Variants in POU2F1 observed in about 807,000 individuals in gnomAD.
POU2F1 encodes the protein POU domain, class 2, transcription factor 1.
POU2F1 carries 16 observed loss-of-function variants against 84.9 expected under a neutral mutation model. That is an observed-to-expected ratio of 0.19 (90% confidence interval 0.13 to 0.29). The LOEUF (loss-of-function observed/expected upper bound fraction) is 0.29. Among genes scored for constraint, POU2F1 ranks in the 10% least tolerant of loss-of-function variants. The pLI, the probability that POU2F1 is intolerant of heterozygous loss-of-function variation, is 1.00. For missense variants in POU2F1, 738 were observed against 942.6 expected (o/e 0.78, Z 2.84); for synonymous variants, 368 against 368.3 (o/e 1.00, Z 0.01).
intron 8 of POU2F1, among the ~76,000 whole-genome samples, chr1:167,389,182 T>C (rs1040323431): frequency 1.3e-5 from 2 of 152,198 alleles, no homozygotes; most frequent in Non-Finnish European, 2.9e-5. Flanking sequence ...AGGTTGGAGA[T>C]GTAATAGTGG....
intron 1 of POU2F1, among the ~76,000 whole-genome samples, chr1:167,262,287 CT>C (rs1459961707): frequency 1.3e-5 from 2 of 152,190 alleles, no homozygotes; most frequent in Non-Finnish European, 1.5e-5. Flanking sequence ...CCACCTCAGC[CT>C]CCCAAGTAGC....
chr1:167,266,333 T>C (rs1651949868), intron 1 of POU2F1, among the ~76,000 whole-genome samples: 1 of 152,188 alleles, frequency 6.6e-6, no homozygotes, highest in Non-Finnish European at 1.5e-5. Flanking sequence ...TGCATTGTGA[T>C]GGGTGTAATC....
chr1:167,254,970 G>A (rs1276084527), intron 1 of POU2F1, among the ~76,000 whole-genome samples: 1 of 152,158 alleles, frequency 6.6e-6, no homozygotes, highest in Non-Finnish European at 1.5e-5. Flanking sequence ...GTGGGAATTG[G>A]TTTTCTTAGG....
chr1:167,390,660 G>A (rs745437868), intron 9 of POU2F1, among the ~76,000 whole-genome samples: 5 of 151,656 alleles, frequency 3.3e-5, no homozygotes, highest in South Asian at 2.1e-4. Context: ...GTGTGGTGAC[G>A]CATGCCTGTA....
intron 1 of POU2F1, among the ~76,000 whole-genome samples, chr1:167,257,395 G>A (rs1651220042): frequency 6.6e-6 from 1 of 152,134 alleles, no homozygotes; most frequent in Admixed American, 6.5e-5. Context: ...ATGATGAGAG[G>A]TGGATGGCAT....
chr1:167,240,686 A>C (rs772804073), intron 1 of POU2F1, among the ~76,000 whole-genome samples: 1 of 152,190 alleles, frequency 6.6e-6, no homozygotes, highest in Non-Finnish European at 1.5e-5. Context: ...GCTTCTGCAT[A>C]AACATATTTA....
chr1:167,240,747 A>AGCCCTTCCCTAGAGGTTTGCC (rs1649838010), intron 1 of POU2F1, among the ~76,000 whole-genome samples: 1 of 152,186 alleles, frequency 6.6e-6, no homozygotes, highest in Non-Finnish European at 1.5e-5. Context: ...GTTGGTTTGA[A>AGCCCTTCCCTAGAGGTTTGCC]GCCCTTCCCT....
At chr1:167,321,455 C>T (rs1656303968) in intron 1 of POU2F1, among the ~76,000 whole-genome samples, 1 of 152,130 alleles carries the variant, frequency 6.6e-6, no homozygotes, top group East Asian at 1.9e-4. Context: ...GGCTGTAATG[C>T]CCCCATAGGT....
At chr1:167,357,000 C>G (rs1030410945) in intron 2 of POU2F1, among the ~76,000 whole-genome samples, 1 of 152,140 alleles carries the variant, frequency 6.6e-6, no homozygotes, top group African/African-American at 2.4e-5. Context: ...AATGCACATG[C>G]TCAAGAAATT....
At chr1:167,304,044 G>A (rs947680037) in intron 1 of POU2F1, among the ~76,000 whole-genome samples, 2 of 152,102 alleles carry the variant, frequency 1.3e-5, no homozygotes, top group Non-Finnish European at 2.9e-5. Flanking sequence ...AGTAACTTGC[G>A]AAAGAAATTC....
In POU2F1 at chr1:167,424,864, T is replaced by C. The variant is rs1447452765; in HGVS notation, c.*9054T>C. The C allele has an allele frequency of 6.6e-6, 1 of 152,124 alleles. No individual in the cohort carries two copies. Among genetic ancestry groups the C allele is most frequent in the East Asian group, 1.9e-4 (1 of 5,196 alleles). 9.4% of individuals were successfully genotyped at this position (152,124 alleles called of 1,614,324 possible). On this transcript the variant is annotated 3_prime_UTR_variant, in exon 16 of 16. Coordinates refer to ENST00000367866, the MANE Select transcript of POU2F1 (RefSeq NM_002697.4). ...GCTGGCCACACGTCAACTTCTGTACTTGCCTTTTCCTTGGTGGGGTAGAGG... is the reference window on the plus strand; with the variant it reads ...GCTGGCCACACGTCAACTTCTGTACCTGCCTTTTCCTTGGTGGGGTAGAGG...
At chr1:167,267,821 T>TTAG (rs1477664897) in intron 1 of POU2F1, among the ~76,000 whole-genome samples, 1 of 151,938 alleles carries the variant, frequency 6.6e-6, no homozygotes, top group African/African-American at 2.4e-5. Flanking sequence ...TTTGGTATTT[T>TTAG]TAGTAGAGAT....
At chr1:167,406,436 C>T (rs1205412968) in intron 13 of POU2F1, among the ~76,000 whole-genome samples, 1 of 152,136 alleles carries the variant, frequency 6.6e-6, no homozygotes, top group Non-Finnish European at 1.5e-5. Context: ...AGACTGAATA[C>T]TTTCCCCACT....
At chr1:167,244,155 G>A (rs145481420) in intron 1 of POU2F1, among the ~76,000 whole-genome samples, 4 of 152,304 alleles carry the variant, frequency 2.6e-5, no homozygotes, top group Admixed American at 1.3e-4. Context: ...AGGAACTTTG[G>A]AATTGGGAGT....
chr1:167,221,873 G>C (rs1648228033), intron 1 of POU2F1, among the ~76,000 whole-genome samples: 1 of 151,908 alleles, frequency 6.6e-6, no homozygotes, highest in Non-Finnish European at 1.5e-5. Flanking sequence ...AGTTCCTTCC[G>C]AGGGGATGTC....
chr1:167,256,407 T>A (rs1468988235), intron 1 of POU2F1, among the ~76,000 whole-genome samples: 1 of 151,840 alleles, frequency 6.6e-6, no homozygotes, highest in African/African-American at 2.4e-5. Context: ...GGTTTTCTGT[T>A]CTTTGAGATT....
intron 1 of POU2F1, among the ~76,000 whole-genome samples, chr1:167,288,680 C>T (rs943266980): frequency 6.6e-6 from 1 of 152,160 alleles, no homozygotes; most frequent in African/African-American, 2.4e-5. Context: ...GAATGAGACC[C>T]TGTCTAAACA....
Position 167,278,597 on chromosome 1 carries a change from C to CTAAA in POU2F1, c.62-53872_62-53869dup, listed in dbSNP as rs1249406568. ...TTTATCATTCGACACAGTTTAGGAA[C>CTAAA]TAAAGGTCAGGTAAAATCAGCTAAT... On this transcript the variant is annotated intron_variant, in intron 1 of 15. Coordinates refer to ENST00000367866, the MANE Select transcript of POU2F1 (RefSeq NM_002697.4). 2.0e-5 allele frequency among the ~76,000 whole-genome samples: 3 copies of CTAAA among 152,262 alleles called. No individual in the cohort carries two copies. The East Asian group carries it at 5.8e-4, about 29-fold the overall frequency.
At chr1:167,287,082 T>TAG (rs1653581506) in intron 1 of POU2F1, among the ~76,000 whole-genome samples, 1 of 152,200 alleles carries the variant, frequency 6.6e-6, no homozygotes, top group Admixed American at 6.5e-5. Flanking sequence ...GATCCCTGTA[T>TAG]AGAGCTGTAA....
Sources: allele counts gnomAD v4.1 joint callset (sites outside exome capture counted in the v4.1 genomes callset), GRCh38; gene constraint gnomAD v4.1.1; transcripts MANE v1.5; gene names NCBI Gene and HGNC (gene_info 2026-07-23, HGNC 2026-07-21).